The following ITPR2 variants were observed in gnomAD, a reference collection of about 807,000 sequenced individuals.
ITPR2 encodes inositol 1,4,5-trisphosphate-gated calcium channel ITPR2.
Under a neutral mutation model 317.1 loss-of-function variants are expected in ITPR2, and 207 were observed. The ratio of observed to expected loss-of-function variants is 0.65; its 90% confidence interval spans 0.58 to 0.73. ITPR2 has a LOEUF of 0.73. Ranked by LOEUF, ITPR2 falls within the 30% of genes least tolerant of loss-of-function variation. The probability of loss-of-function intolerance (pLI) is 0.00; values close to 1 mark genes in which losing one functional copy is unlikely to be tolerated. For synonymous variants in ITPR2, 1,156 were observed against 1,149.1 expected (o/e 1.01, Z -0.12); for missense variants, 2,613 against 3,284.0 (o/e 0.80, Z 4.99).
At chr12:26,512,249 G>A (rs1198169922) in intron 37 of ITPR2, among the ~76,000 whole-genome samples, 1 of 151,160 alleles carries the variant, frequency 6.6e-6, no homozygotes, top group Non-Finnish European at 1.5e-5. Context: ...ATTCCTTGTG[G>A]GCCTCCAGAT....
chr12:26,474,478 T>C (rs532863661), intron 45 of ITPR2, among the ~76,000 whole-genome samples: 2 of 152,312 alleles, frequency 1.3e-5, no homozygotes, highest in South Asian at 2.1e-4. Context: ...GTTTAAGTTA[T>C]AAAATGGAAA....
chr12:26,369,372 G>A (rs1304760639), intron 55 of ITPR2, among the ~76,000 whole-genome samples: 3 of 152,168 alleles, frequency 2.0e-5, no homozygotes, highest in Non-Finnish European at 4.4e-5. Flanking sequence ...ACCTGTCATG[G>A]TCTAGGTGAC....
chr12:26,789,469 T>C (rs1199929816), intron 2 of ITPR2, among the ~76,000 whole-genome samples: 2 of 152,242 alleles, frequency 1.3e-5, no homozygotes, highest in Admixed American at 6.5e-5. Context: ...TGAATGGTTA[T>C]ACATTGTTCA....
chr12:26,605,751 A>G (rs1425755370), intron 26 of ITPR2, among the ~76,000 whole-genome samples: 2 of 152,206 alleles, frequency 1.3e-5, no homozygotes, highest in Non-Finnish European at 2.9e-5. Context: ...GGTGAAAAAT[A>G]ATGATTTTAA....
intron 1 of ITPR2, among the ~76,000 whole-genome samples, chr12:26,826,368 T>C (rs890247950): frequency 4.6e-5 from 7 of 152,170 alleles, no homozygotes; most frequent in Admixed American, 1.3e-4. Context: ...AAGAGAAATT[T>C]GAGGGACTAT....
At chr12:26,799,532 A>G (rs1417224663) in intron 1 of ITPR2, among the ~76,000 whole-genome samples, 2 of 152,236 alleles carry the variant, frequency 1.3e-5, no homozygotes, top group Non-Finnish European at 2.9e-5. Flanking sequence ...AGAGTTACAC[A>G]TAGCCTTTCA....
chr12:26,415,824 A>T (rs1313518780), intron 50 of ITPR2, among the ~76,000 whole-genome samples: 1 of 152,226 alleles, frequency 6.6e-6, no homozygotes, highest in East Asian at 1.9e-4. Context: ...GTACTTTACC[A>T]GCTTAGCTAC....
chr12:26,403,462 A>G (rs1290834537), intron 52 of ITPR2, among the ~76,000 whole-genome samples: 1 of 152,226 alleles, frequency 6.6e-6, no homozygotes, highest in Non-Finnish European at 1.5e-5. Context: ...TAAAAGACAC[A>G]GAAGTGGAAG....
At chr12:26,406,632 A>G (rs1940363520) in intron 52 of ITPR2, 1 of 152,052 alleles carries the variant, frequency 6.6e-6, no homozygotes, top group Admixed American at 6.6e-5. Context: ...GCTGTCCACA[A>G]GGTAACAAAC....
At chr12:26,495,074 A>T (rs1182764759) in intron 38 of ITPR2, 78 bp downstream of exon 38, 11 of 802,360 alleles carry the variant, frequency 1.4e-5, no homozygotes, top group Non-Finnish European at 2.0e-5. Flanking sequence ...CTGCCATTTC[A>T]GTAAAATACT....
chr12:26,384,298 T>C (rs76281755), intron 55 of ITPR2, among the ~76,000 whole-genome samples: 1 of 152,326 alleles, frequency 6.6e-6, no homozygotes, highest in East Asian at 1.9e-4. Context: ...GCTACAGATT[T>C]TTAGATGTTT....
chr12:26,747,467 A>G (rs1293995250), intron 2 of ITPR2, among the ~76,000 whole-genome samples: 2 of 152,268 alleles, frequency 1.3e-5, no homozygotes, highest in Non-Finnish European at 1.5e-5. Flanking sequence ...AAATACTGGT[A>G]ACTTCATATA....
At chr12:26,592,735 T>C (rs1001127012) in intron 32 of ITPR2, among the ~76,000 whole-genome samples, 1 of 152,238 alleles carries the variant, frequency 6.6e-6, no homozygotes. Context: ...TCATTTCTCA[T>C]GGATATAAAT....
intron 45 of ITPR2, among the ~76,000 whole-genome samples, chr12:26,466,718 T>C (rs560087282): frequency 1.1e-4 from 16 of 152,168 alleles, no homozygotes; most frequent in African/African-American, 3.9e-4. Context: ...GATGAGAAGG[T>C]TGAAGCCAGA....
intron 26 of ITPR2, among the ~76,000 whole-genome samples, chr12:26,607,821 C>T (rs1946171172): frequency 6.6e-6 from 1 of 152,192 alleles, no homozygotes; most frequent in African/African-American, 2.4e-5. Flanking sequence ...TGGCTCACAC[C>T]CGTAATCCCA....
At chr12:26,399,080 G>A (rs1940090364) in intron 53 of ITPR2, 39 bp from the exon 54 acceptor site, 1 of 1,428,490 alleles carries the variant, frequency 7.0e-7, no homozygotes, top group Non-Finnish European at 9.4e-7. Context: ...ACTAGGCATA[G>A]TGATTGAGCA....
intron 2 of ITPR2, among the ~76,000 whole-genome samples, chr12:26,788,877 C>T (rs1174694992): frequency 6.6e-6 from 1 of 152,214 alleles, no homozygotes; most frequent in Non-Finnish European, 1.5e-5. Context: ...TTTATTCACA[C>T]TATCTGTCCT....
At chr12:26,653,241 CTTT>C (rs774729786) in intron 21 of ITPR2, among the ~76,000 whole-genome samples, 8 of 103,586 alleles carry the variant, frequency 7.7e-5, no homozygotes, top group South Asian at 6.9e-4. Flanking sequence ...TTGAATCTTT[CTTT>C]TTTTTTTTTT....
At chr12:26,801,575 A>C (rs1950556529) in intron 1 of ITPR2, among the ~76,000 whole-genome samples, 1 of 152,192 alleles carries the variant, frequency 6.6e-6, no homozygotes, top group Non-Finnish European at 1.5e-5. Context: ...ACTCAAATGA[A>C]GAAGAATTAA....
Sources: allele counts gnomAD v4.1 joint callset (sites outside exome capture counted in the v4.1 genomes callset), GRCh38; gene constraint gnomAD v4.1.1; transcripts MANE v1.5; gene names NCBI Gene and HGNC (gene_info 2026-07-23, HGNC 2026-07-21).